GPC5: variants seen among roughly 807,000 people sequenced by gnomAD.
GPC5 encodes glypican-5.
A neutral mutation model predicts 53.9 loss-of-function variants in GPC5; 47 were observed. The ratio of observed to expected loss-of-function variants is 0.87; its 90% confidence interval spans 0.69 to 1.11. GPC5 has a LOEUF of 1.11. GPC5 is among the 50% of genes most tolerant of loss of function. The probability of loss-of-function intolerance (pLI) is 0.00; values close to 1 mark genes in which losing one functional copy is unlikely to be tolerated. For synonymous variants in GPC5, 286 were observed against 263.3 expected (o/e 1.09, Z -0.84); for missense variants, 748 against 713.1 (o/e 1.05, Z -0.56).
At chr13:92,314,577 T>C (rs922174655) in intron 7 of GPC5, among the ~76,000 whole-genome samples, 1 of 152,134 alleles carries the variant, frequency 6.6e-6, no homozygotes, top group Non-Finnish European at 1.5e-5. Context: ...GGGCAGCAAA[T>C]GGAAAAAGGC....
intron 7 of GPC5, among the ~76,000 whole-genome samples, chr13:92,377,095 CT>C (rs2043701329): frequency 6.6e-6 from 1 of 152,070 alleles, no homozygotes; most frequent in Non-Finnish European, 1.5e-5. Context: ...TCTTTCAAAC[CT>C]TAGTTCCTGA....
At chr13:91,497,491 C>T (rs1345737169) in intron 2 of GPC5, among the ~76,000 whole-genome samples, 2 of 152,184 alleles carry the variant, frequency 1.3e-5, no homozygotes, top group Non-Finnish European at 2.9e-5. Context: ...CTTATCTCTT[C>T]TTCATGCCTC....
intron 7 of GPC5, among the ~76,000 whole-genome samples, chr13:92,269,654 C>T (rs1021234148): frequency 1.3e-5 from 2 of 152,150 alleles, no homozygotes; most frequent in African/African-American, 4.8e-5. Flanking sequence ...GATCTGCCCG[C>T]CTCAGCCTCC....
At chr13:92,175,784 C>A (rs2042104899) in intron 7 of GPC5, among the ~76,000 whole-genome samples, 1 of 149,762 alleles carries the variant, frequency 6.7e-6, no homozygotes, top group Admixed American at 6.6e-5. Flanking sequence ...ATGTGATATT[C>A]CTCAAAGAAA....
At chr13:91,615,161 G>A (rs117682355) in intron 2 of GPC5, among the ~76,000 whole-genome samples, 1 of 152,286 alleles carries the variant, frequency 6.6e-6, no homozygotes, top group Non-Finnish European at 1.5e-5. Flanking sequence ...TAAAGGTTCA[G>A]TACAGCCAAG....
intron 6 of GPC5, among the ~76,000 whole-genome samples, chr13:91,934,011 C>G (rs2039846693): frequency 6.6e-6 from 1 of 151,810 alleles, no homozygotes; most frequent in Non-Finnish European, 1.5e-5. Flanking sequence ...CTCTCAAATA[C>G]CTGAGCTATG....
chr13:91,516,165 G>A lies in GPC5; in HGVS notation c.325+67243G>A, dbSNP rs9589274. Reference sequence around the variant, plus strand: ...TGGCGGAACCAATTATGCCTCCCCAGCAGTCCCCCAAAGTCTTAACTCATT... The same window carrying A: ...TGGCGGAACCAATTATGCCTCCCCAACAGTCCCCCAAAGTCTTAACTCATT... On this transcript the variant is annotated intron_variant, in intron 2 of 7. Transcript: ENST00000377067. 6.2e-3 allele frequency among the ~76,000 whole-genome samples: 949 copies of A among 152,118 alleles called. 10 individuals carry two copies. The highest frequency in any genetic ancestry group is 0.022 in the African/African-American group (925 of 41,506).
chr13:92,382,926 C>T (rs1254785049), intron 7 of GPC5, among the ~76,000 whole-genome samples: 2 of 150,752 alleles, frequency 1.3e-5, no homozygotes, highest in Non-Finnish European at 2.9e-5. Context: ...TAGCGCGAAC[C>T]CGGGAGGCGG....
chr13:92,006,159 A>G (rs1304262156), intron 6 of GPC5, among the ~76,000 whole-genome samples: 7 of 149,930 alleles, frequency 4.7e-5, no homozygotes, highest in Non-Finnish European at 7.3e-5. Context: ...CTTTTATGAC[A>G]TATGTGCAAA....
intron 7 of GPC5, among the ~76,000 whole-genome samples, chr13:92,532,968 A>G (rs958275967): frequency 1.3e-5 from 2 of 152,182 alleles, no homozygotes; most frequent in African/African-American, 4.8e-5. Flanking sequence ...TTAATTTGGC[A>G]AGTACTAACA....
intron 7 of GPC5, among the ~76,000 whole-genome samples, chr13:92,182,058 C>T (rs2042150815): frequency 6.6e-6 from 1 of 152,108 alleles, no homozygotes; most frequent in East Asian, 1.9e-4. Context: ...ATAAAATAGC[C>T]ATTCATTTAA....
intron 7 of GPC5, among the ~76,000 whole-genome samples, chr13:92,264,888 GT>G (rs1566510044): frequency 1.0e-4 from 7 of 69,154 alleles, no homozygotes; most frequent in African/African-American, 4.5e-4. Flanking sequence ...CTGTGTGTGT[GT>G]GTGTGTGTGT....
chr13:91,471,938 A>G (rs558091402), intron 2 of GPC5, among the ~76,000 whole-genome samples: 1 of 152,278 alleles, frequency 6.6e-6, no homozygotes, highest in South Asian at 2.1e-4. Flanking sequence ...TTCATATGCC[A>G]TTCTCCAATT....
At chr13:92,466,087 G>C (rs767464787) in intron 7 of GPC5, among the ~76,000 whole-genome samples, 2 of 151,974 alleles carry the variant, frequency 1.3e-5, no homozygotes, top group Non-Finnish European at 2.9e-5. Flanking sequence ...CAAATGTGAG[G>C]TGACAGATAT....
At chr13:91,789,769 C>A (rs1306177751) in intron 5 of GPC5, among the ~76,000 whole-genome samples, 1 of 152,108 alleles carries the variant, frequency 6.6e-6, no homozygotes, top group Non-Finnish European at 1.5e-5. Context: ...GTGTATTTGG[C>A]GCACTATCCT....
chr13:92,504,549 C>T (rs534771161), intron 7 of GPC5, among the ~76,000 whole-genome samples: 5 of 151,814 alleles, frequency 3.3e-5, no homozygotes, highest in Admixed American at 1.3e-4. Context: ...AAAACAATTG[C>T]GAATAAAGAC....
chr13:91,774,388 G>A (rs906498502), intron 5 of GPC5, among the ~76,000 whole-genome samples: 1 of 152,012 alleles, frequency 6.6e-6, no homozygotes, highest in Non-Finnish European at 1.5e-5. Context: ...ATCTTTATTG[G>A]GTGCCTACTG....
chr13:91,830,659 G>A (rs1278147501), intron 5 of GPC5, among the ~76,000 whole-genome samples: 7 of 149,810 alleles, frequency 4.7e-5, no homozygotes, highest in Non-Finnish European at 1.0e-4. Flanking sequence ...GGCTTCAGCC[G>A]GTCCCTCCGT....
intron 7 of GPC5, among the ~76,000 whole-genome samples, chr13:92,364,457 G>A (rs534092358): frequency 2.6e-5 from 4 of 151,900 alleles, no homozygotes; most frequent in East Asian, 1.9e-4. Flanking sequence ...TTGGCCAGGC[G>A]CGGTGGCTTA....
Sources: allele counts gnomAD v4.1 joint callset (sites outside exome capture counted in the v4.1 genomes callset), GRCh38; gene constraint gnomAD v4.1.1; transcripts MANE v1.5; gene names NCBI Gene and HGNC (gene_info 2026-07-23, HGNC 2026-07-21).